Variants in ADGRG7 observed in about 807,000 individuals in gnomAD.
ADGRG7 encodes G-protein coupled receptor 128.
ADGRG7 carries 82 observed loss-of-function variants against 88.6 expected under a neutral mutation model. The observed-to-expected ratio is 0.93, with a 90% CI of 0.77 to 1.11. ADGRG7 has a LOEUF of 1.11. Among genes scored for constraint, ADGRG7 ranks in the 50% most tolerant of loss-of-function variants. ADGRG7 has a pLI of 0.00. For missense variants in ADGRG7, 945 were observed against 953.4 expected (o/e 0.99, Z 0.12); for synonymous variants, 381 against 345.2 (o/e 1.10, Z -1.15).
chr3:100,656,774 A>C (rs1289873820), intron 13 of ADGRG7, among the ~76,000 whole-genome samples: 1 of 79,106 alleles, frequency 1.3e-5, no homozygotes, highest in South Asian at 7.3e-4. Flanking sequence ...CACCAAAGGA[A>C]GGCTGTGGTG....
chr3:100,668,908 C>T (rs1287881510), intron 14 of ADGRG7, 41 bp from the exon 15 acceptor site: 20 of 1,466,734 alleles, frequency 1.4e-5, no homozygotes, highest in Non-Finnish European at 1.8e-5. Context: ...TAAGTAAAAC[C>T]CTAATGAACC....
At chr3:100,681,122 CA>C (rs375994900) in intron 15 of ADGRG7, among the ~76,000 whole-genome samples, 73 of 152,038 alleles carry the variant, frequency 4.8e-4, no homozygotes, top group African/African-American at 1.7e-3. Flanking sequence ...GGATTCTGGT[CA>C]CCTCCTGATT....
rs978437871 is a variant in ADGRG7 at position 100,625,789 on chromosome 3, T to C, written c.116-3809T>C. Among the ~76,000 whole-genome samples, 32 of 152,338 alleles carry C rather than the reference T, an allele frequency of 2.1e-4. 1 individual carries two copies. The highest frequency in any genetic ancestry group is 1.5e-5 in the Non-Finnish European group (1 of 68,026). On this transcript the variant is annotated intron_variant, in intron 1 of 15. Coordinates refer to ENST00000273352, the MANE Select transcript of ADGRG7 (RefSeq NM_032787.3). Reference sequence around the variant, plus strand: ...TTTTCTGCATCTATTGAGGTGATCATGTGGTTTTTGTCATTGGTTCTGTTT... The same window carrying C: ...TTTTCTGCATCTATTGAGGTGATCACGTGGTTTTTGTCATTGGTTCTGTTT...
chr3:100,659,312 T>C (rs901959132), intron 13 of ADGRG7, among the ~76,000 whole-genome samples: 2 of 149,528 alleles, frequency 1.3e-5, no homozygotes, highest in South Asian at 2.1e-4. Context: ...TGGTGGCGGG[T>C]GCCTGTAGTC....
At chr3:100,626,089 A>C (rs975194141) in intron 1 of ADGRG7, among the ~76,000 whole-genome samples, 2 of 152,202 alleles carry the variant, frequency 1.3e-5, no homozygotes, top group Admixed American at 1.3e-4. Context: ...GAAAGGTACC[A>C]GCTCCTCTTG....
At position 100,654,980 on chromosome 3, in the gene ADGRG7, G is replaced by C. The variant is rs906307924; in HGVS notation, c.1525G>C (p.Asp509His). 6.2e-7 allele frequency: 1 copy of C among 1,614,058 alleles called. No homozygotes were observed. The highest frequency in any genetic ancestry group is 8.5e-7 in the Non-Finnish European group (1 of 1,179,998). The change falls in exon 12 of 16, where the codon GAC becomes CAC. Residue 509 changes from aspartate (D) to histidine (H), a missense_variant. By Grantham distance (81) the Asp-to-His change is moderately conservative (BLOSUM62 -1). Coordinates refer to ENST00000273352, the MANE Select transcript of ADGRG7 (RefSeq NM_032787.3). ...TGGTGACATCAATAATATTGACTTT[G>C]ACAATAATGACATACCCAGGACAGA... ...SDGDINNIDFDNNDIPRTDTI... is the reference protein window; with the variant it reads ...SDGDINNIDFHNNDIPRTDTI...
rs117032933 is a variant in ADGRG7, at chr3:100,628,874, C to T, written c.116-724C>T. Among the ~76,000 whole-genome samples, 36 of 152,194 alleles carry T rather than the reference C, an allele frequency of 2.4e-4. 1 individual carries two copies. The East Asian group carries it at 7.0e-3, about 29-fold the overall frequency. On this transcript the variant is annotated intron_variant, in intron 1 of 15. Coordinates refer to ENST00000273352, the MANE Select transcript of ADGRG7 (RefSeq NM_032787.3). ...CTTCCCCCTTAGCCTCAGTCATTTC[C>T]CATACTCCTTCACTTATCCTCCTAA...
intron 1 of ADGRG7, among the ~76,000 whole-genome samples, chr3:100,626,733 C>T (rs1018211063): frequency 3.9e-5 from 6 of 151,914 alleles, no homozygotes; most frequent in Middle Eastern, 6.3e-3. Flanking sequence ...TGCAGTGAGC[C>T]GAGATTGTGC....
rs540961210 is a variant in ADGRG7 at position 100,618,138 on chromosome 3, T to C, written c.115+8167T>C. The stretch of plus-strand genomic sequence containing the variant: ...TTAGCCCTTTGTCAGATGAGTAGAT[T>C]GCAAAAATTTTCTCCCATTCTGTAG... On this transcript the variant is annotated intron_variant, in intron 1 of 15. Coordinates refer to ENST00000273352, the MANE Select transcript of ADGRG7 (RefSeq NM_032787.3). Among the ~76,000 whole-genome samples, 1,004 of 152,354 alleles carry C rather than the reference T, an allele frequency of 6.6e-3. 9 individuals carry two copies. The highest frequency in any genetic ancestry group is 0.011 in the Admixed American group (169 of 15,304).
rs2094935493 is a variant in ADGRG7 at position 100,654,978 on chromosome 3, T to C, written c.1523T>C (p.Phe508Ser). ...GATGGTGACATCAATAATATTGACT[T>C]TGACAATAATGACATACCCAGGACA... The part of the protein sequence containing the change: ...TSDGDINNID[F>S]DNNDIPRTDT... The change falls in exon 12 of 16, where the codon TTT becomes TCT. Residue 508 changes from phenylalanine to serine, a missense_variant. By Grantham distance (155) the Phe-to-Ser change is radical. Coordinates refer to ENST00000273352, the MANE Select transcript of ADGRG7 (RefSeq NM_032787.3). 1 of 1,613,926 alleles carries C rather than the reference T, an allele frequency of 6.2e-7. No homozygotes were observed. Among genetic ancestry groups the C allele is most frequent in the African/African-American group, 1.3e-5 (1 of 74,918 alleles).
chr3:100,653,150 T>A (rs1364397603), intron 11 of ADGRG7, among the ~76,000 whole-genome samples: 1 of 152,228 alleles, frequency 6.6e-6, no homozygotes, highest in African/African-American at 2.4e-5. Flanking sequence ...TATTGTTATG[T>A]ATAAACCATT....
chr3:100,623,499 G>A (rs191310959), intron 1 of ADGRG7, among the ~76,000 whole-genome samples: 1 of 152,098 alleles, frequency 6.6e-6, no homozygotes, highest in Admixed American at 6.6e-5. Context: ...CCTCAGTAAT[G>A]TGAGCCTTCT....
chr3:100,612,605 GA>G (rs1361550381), intron 1 of ADGRG7, among the ~76,000 whole-genome samples: 1 of 152,180 alleles, frequency 6.6e-6, no homozygotes, highest in Non-Finnish European at 1.5e-5. Flanking sequence ...CATAATGGTA[GA>G]AAATGTTTTC....
At chr3:100,613,827 A>C (rs1332180176) in intron 1 of ADGRG7, among the ~76,000 whole-genome samples, 1 of 152,188 alleles carries the variant, frequency 6.6e-6, no homozygotes, top group Non-Finnish European at 1.5e-5. Flanking sequence ...TAGTGGTTAA[A>C]ATGGACACTT....
At chr3:100,635,379 T>C (rs1236507018) in intron 4 of ADGRG7, among the ~76,000 whole-genome samples, 2 of 152,210 alleles carry the variant, frequency 1.3e-5, no homozygotes, top group Non-Finnish European at 2.9e-5. Context: ...CTCTACGACC[T>C]TTGTAACACA....
intron 1 of ADGRG7, among the ~76,000 whole-genome samples, chr3:100,626,508 C>G (rs1707382488): frequency 6.6e-6 from 1 of 152,028 alleles, no homozygotes; most frequent in East Asian, 1.9e-4. Context: ...TGAACGGGGT[C>G]AGGCATGGTG....
intron 1 of ADGRG7, among the ~76,000 whole-genome samples, chr3:100,623,378 A>G (rs1197218394): frequency 2.0e-5 from 3 of 152,182 alleles, no homozygotes; most frequent in East Asian, 3.9e-4. Context: ...ATAATGGGCC[A>G]TATATGTTTT....
intron 15 of ADGRG7, among the ~76,000 whole-genome samples, chr3:100,687,983 T>G (rs1055674864): frequency 2.0e-5 from 3 of 152,154 alleles, no homozygotes; most frequent in African/African-American, 4.8e-5. Flanking sequence ...TCTGGTAGAA[T>G]TCGGCTGTGA....
chr3:100,616,409 A>T lies in ADGRG7; in HGVS notation c.115+6438A>T, dbSNP rs745432985. ...AGGAGAAAAATAAAAAAAGAAAAAT[A>T]CAGTATTTTAAAAAGAATAGGAGAA... On this transcript the variant is annotated intron_variant, in intron 1 of 15. Transcript: ENST00000273352. 3.3e-5 allele frequency among the ~76,000 whole-genome samples: 5 copies of T among 152,316 alleles called. No individual in the cohort carries two copies. The South Asian group carries it at 1.0e-3, about 32-fold the overall frequency.
Sources: allele counts gnomAD v4.1 joint callset (sites outside exome capture counted in the v4.1 genomes callset), GRCh38; gene constraint gnomAD v4.1.1; transcripts MANE v1.5; gene names NCBI Gene and HGNC (gene_info 2026-07-23, HGNC 2026-07-21).